The following FN1 variants were observed in gnomAD, a reference collection of about 807,000 sequenced individuals.
The protein encoded by FN1 is fibronectin 1, also known as fibronectin.
FN1 carries 106 observed loss-of-function variants against 297.3 expected under a neutral mutation model. The ratio of observed to expected loss-of-function variants is 0.36; its 90% CI spans 0.30 to 0.42. The LOEUF (loss-of-function observed/expected upper bound fraction) is 0.42, where lower values mean the gene tolerates loss of function less well. FN1 is among the 10% of genes least tolerant of loss of function. FN1 has a pLI of 1.00. For missense variants in FN1, 2,690 were observed against 3,124.9 expected, an observed-to-expected ratio of 0.86 and a Z score of 3.32; for synonymous variants, 1,149 against 1,152.6, an observed-to-expected ratio of 1.00 and a Z score of 0.06.
At position 215,404,628 on chromosome 2, in the gene FN1, A is replaced by T; in HGVS notation, c.3014T>A (p.Phe1005Tyr). The T allele has an allele frequency of 6.2e-7, 1 of 1,614,094 alleles. No homozygotes were observed. Among genetic ancestry groups the T allele is most frequent in the African/African-American group, 1.3e-5 (1 of 75,054 alleles). The change falls in exon 20 of 46, where the codon TTT becomes TAT. Residue 1005 changes from phenylalanine to tyrosine, a missense_variant. Transcript: ENST00000354785. ...TKLDAPTNLQ[F>Y]VNETDSTVLV... is the part of the protein sequence containing the mutation. ...GACAGTAGAATCAGTTTCATTGACA[A>T]ACTGGAGGTTAGTGGGAGCATCCAG... is the stretch of plus-strand genomic sequence containing the variant.
chr2:215,388,145 A>C lies in FN1; in HGVS notation c.4342+67T>G, dbSNP rs2059258249. 5 of 1,104,838 alleles carry C rather than the reference A, an allele frequency of 4.5e-6. No homozygotes were observed. In the Admixed American group the frequency reaches 8.5e-5, roughly 19 times the overall value. 68.4% of individuals were successfully genotyped at this position (1,104,838 alleles called of 1,614,324 possible). ...ATGGAGATGTATTTTTAGAAGTAGC[A>C]TTTCATTTGTTATACAGAATTGATA... On this transcript the variant is annotated intron_variant, in intron 27 of 45. Transcript: ENST00000354785.
chr2:215,431,745 G>A (rs2066551015), intron 4 of FN1, 88 bp downstream of exon 4: 1 of 1,332,120 alleles, frequency 7.5e-7, no homozygotes, highest in Admixed American at 1.7e-5. Flanking sequence ...TGGAATTCAG[G>A]TCTATGACCT....
At chr2:215,384,233 G>C in intron 29 of FN1, 49 bp from the exon 30 acceptor site, 1 of 1,545,920 alleles carries the variant, frequency 6.5e-7, no homozygotes, top group Non-Finnish European at 8.9e-7. Flanking sequence ...AGAGCTACTT[G>C]GGTATTACTG....
In FN1 at chr2:215,409,717, C is replaced by A. The variant is rs759884734; in HGVS notation, c.2145G>T (p.Thr715=). The A allele has an allele frequency of 1.9e-6, 3 of 1,614,048 alleles. No individual in the cohort carries two copies. The highest frequency in any genetic ancestry group is 2.5e-6 in the Non-Finnish European group (3 of 1,179,998). The change falls in exon 15 of 46, where the codon ACG becomes ACT. Residue 715 remains threonine, a synonymous_variant. Coordinates refer to ENST00000354785, the MANE Select transcript of FN1 (RefSeq NM_212482.4). ...PVTSNTVTGE[T]TPFSPLVATS... The stretch of plus-strand genomic sequence containing the variant: ...TGGCCACAAGAGGAGAAAAGGGAGT[C>A]GTCTCTCCTGTCACGGTGTTGCCTA...
chr2:215,420,995 T>C, intron 10 of FN1, 194 bp from the exon 11 acceptor site: 4 of 588,698 alleles, frequency 6.8e-6, no homozygotes, highest in East Asian at 3.1e-5. Flanking sequence ...CCAAAAAAAT[T>C]TTTTTCTTCC....
Position 215,433,429 on chromosome 2 carries a change from T to G in FN1, c.310A>C (p.Asn104His). 6.2e-7 allele frequency: 1 copy of G among 1,614,140 alleles called. No individual in the cohort carries two copies. Among genetic ancestry groups the G allele is most frequent in the South Asian group, 1.1e-5 (1 of 91,078 alleles). ...TAAGTGTCACCCACTCGGTAAGTGT[T>G]CCCAGTGTACTTGTCAAAGCAAGTC... Reference protein sequence around the residue: ...EETCFDKYTGNTYRVGDTYER... With the variant: ...EETCFDKYTGHTYRVGDTYER... Residue 104 changes from asparagine (N) to histidine (H), a missense_variant, in exon 3 of 46, where the codon AAC (asparagine) becomes CAC (histidine). Coordinates refer to ENST00000354785, the MANE Select transcript of FN1 (RefSeq NM_212482.4).
rs1158082274 is a variant in FN1 at position 215,420,808 on chromosome 2, A to G, written c.1547-7T>C. ...TCATCAACAATGCACTGATCTGTTT[A>G]GGAAACAGGTGGGTGAGTGAGAAAC... On this transcript the variant is annotated splice_region_variant and splice_polypyrimidine_tract_variant and intron_variant, in intron 10 of 45. Coordinates refer to ENST00000354785, the MANE Select transcript of FN1 (RefSeq NM_212482.4). 1 of 1,613,666 alleles carries G rather than the reference A, an allele frequency of 6.2e-7. No homozygotes were observed. The highest frequency in any genetic ancestry group is 8.5e-7 in the Non-Finnish European group (1 of 1,179,666).
chr2:215,372,375 T>C lies in FN1; in HGVS notation c.6248A>G (p.Asp2083Gly), dbSNP rs1366824456. The C allele has an allele frequency of 6.8e-6, 11 of 1,613,872 alleles. No individual in the cohort carries two copies. Among genetic ancestry groups the C allele is most frequent in the South Asian group, 2.2e-5 (2 of 91,070 alleles). ...AAGGGTTACCAGTTGGGGAAGCTCG[T>C]CTAGCCGAGAGAGGTTAGAGCCAAA... ...SEPLIGRKKTDELPQLVTLPH... is the reference protein window; with the variant it reads ...SEPLIGRKKTGELPQLVTLPH... The change falls in exon 40 of 46, where the codon GAC becomes GGC. Residue 2083 changes from aspartate to glycine, a missense_variant and splice_region_variant. Physicochemically the swap from Asp to Gly is moderately conservative, Grantham distance 94. Transcript: ENST00000354785.
At position 215,382,233 on chromosome 2, in the gene FN1, G is replaced by C. The variant is rs1383505778; in HGVS notation, c.5143C>G (p.Leu1715Val). The C allele has an allele frequency of 1.2e-6, 2 of 1,613,342 alleles. No individual in the cohort carries two copies. The highest frequency in any genetic ancestry group is 2.2e-5 in the East Asian group (1 of 44,882). The change falls in exon 32 of 46, where the codon CTG becomes GTG. Residue 1715 changes from leucine to valine, a missense_variant. Leu to Val is a conservative substitution (Grantham distance 32, BLOSUM62 1). Coordinates refer to ENST00000354785, the MANE Select transcript of FN1 (RefSeq NM_212482.4). ...AQNPSGESQP[L>V]VQTAVTNIDR... is the part of the protein sequence containing the mutation. The stretch of plus-strand genomic sequence containing the variant: ...GTACTGGTTACTGCAGTCTGAACCA[G>C]AGGCTGACTCTCTCCGCTTGGATTC...
chr2:215,419,696 T>C (rs1457215778), intron 11 of FN1, among the ~76,000 whole-genome samples: 1 of 152,214 alleles, frequency 6.6e-6, no homozygotes, highest in Non-Finnish European at 1.5e-5. Context: ...TTAGTTATTA[T>C]TTTTACCCAT....
At chr2:215,398,027 G>T (rs1293210197) in intron 21 of FN1, among the ~76,000 whole-genome samples, 179 bp from the exon 22 acceptor site, 2 of 152,352 alleles carry the variant, frequency 1.3e-5, no homozygotes, top group South Asian at 2.1e-4. Flanking sequence ...TCCCCCAGGT[G>T]GGGGAGGTAT....
In FN1 at chr2:215,424,269, T is replaced by C; in HGVS notation, c.1093A>G (p.Thr365Ala). Residue 365 changes from threonine (T) to alanine (A), a missense_variant, in exon 8 of 46, where the codon ACC (threonine) becomes GCC (alanine). This residue lies in a region of FN1 where 876 missense variants were observed against 1,058.1 expected (regional missense o/e 0.83). Coordinates refer to ENST00000354785, the MANE Select transcript of FN1 (RefSeq NM_212482.4). ...SNGEPCVLPF[T>A]YNGRTFYSCT... ...GAGTAGAACGTCCTGCCATTGTAGG[T>C]GAATGGTAAGACACATGGCTCTCCA... The C allele has an allele frequency of 6.2e-7, 1 of 1,614,000 alleles. No individual in the cohort carries two copies.
At chr2:215,424,994 GCTT>G in intron 7 of FN1, 97 bp downstream of exon 7, 1 of 1,072,640 alleles carries the variant, frequency 9.3e-7, no homozygotes, top group Non-Finnish European at 1.4e-6. Flanking sequence ...AAGATTACAG[GCTT>G]CTTGTTTGTT....
At position 215,361,986 on chromosome 2, in the gene FN1, G is replaced by A. The variant is rs2053552360; in HGVS notation, c.7345C>T (p.His2449Tyr). 3.1e-6 allele frequency: 5 copies of A among 1,612,590 alleles called. No homozygotes were observed. In the East Asian group the frequency reaches 6.7e-5, roughly 22 times the overall value. The change falls in exon 45 of 46, where the codon CAT (histidine) becomes TAT (tyrosine). Residue 2449 changes from histidine (H) to tyrosine (Y), a missense_variant. This residue lies in a region of FN1 where 1,743 missense variants were observed against 1,945.2 expected (regional missense o/e 0.90). Coordinates refer to ENST00000354785, the MANE Select transcript of FN1 (RefSeq NM_212482.4). ...GCACTTACAGTGTTTGTTCTCTGAT[G>A]GTATCTCTGAGAATACTGGTTGTAG... ...QSYNQYSQRY[H>Y]QRTNTNVNCP...
intron 13 of FN1, among the ~76,000 whole-genome samples, chr2:215,412,758 ATC>A (rs1190174784): frequency 3.8e-5 from 2 of 51,970 alleles, no homozygotes; most frequent in African/African-American, 7.0e-5. Context: ...TATATTAAGT[ATC>A]TTTTTTTTTT....
intron 30 of FN1, 83 bp downstream of exon 30, chr2:215,383,937 T>C (rs1228528881): frequency 2.7e-6 from 4 of 1,480,088 alleles, no homozygotes; most frequent in Non-Finnish European, 3.8e-6. Flanking sequence ...TATTCTACAA[T>C]TAGAAAAATA....
intron 38 of FN1, among the ~76,000 whole-genome samples, chr2:215,374,239 C>G (rs1444005080): frequency 2.0e-5 from 2 of 99,162 alleles, no homozygotes; most frequent in African/African-American, 5.4e-5. Context: ...CAATTCCTCT[C>G]ATGTCTGCTT....
intron 40 of FN1, among the ~76,000 whole-genome samples, chr2:215,371,375 T>C (rs2106236745): frequency 6.6e-6 from 1 of 151,918 alleles, no homozygotes; most frequent in South Asian, 2.1e-4. Context: ...TTTTTTTTTC[T>C]TTAGATATGT....
At chr2:215,392,632 T>C in intron 25 of FN1, 1 of 411,816 alleles carries the variant, frequency 2.4e-6, no homozygotes, top group Non-Finnish European at 4.5e-6. Flanking sequence ...GACGAAAAAT[T>C]CTAGGTCTTC....
Sources: allele counts gnomAD v4.1 joint callset (sites outside exome capture counted in the v4.1 genomes callset), GRCh38; gene constraint gnomAD v4.1.1; regional missense constraint gnomAD v4.1.1; transcripts MANE v1.5; gene names NCBI Gene and HGNC (gene_info 2026-07-23, HGNC 2026-07-21).